PKD2: variants seen among roughly 807,000 people sequenced by gnomAD.
PKD2 encodes polycystin-2.
A neutral mutation model predicts 105.9 loss-of-function variants in PKD2; 48 were observed. That is an observed-to-expected ratio of 0.45 (90% CI 0.36 to 0.58). The LOEUF (loss-of-function observed/expected upper bound fraction) is 0.58, where lower values mean the gene tolerates loss of function less well. PKD2 is among the 20% of genes least tolerant of loss of function. PKD2 has a pLI of 0.00. For missense variants in PKD2, 1,078 were observed against 1,255.3 expected (o/e 0.86, Z 2.13); for synonymous variants, 464 against 481.1 (o/e 0.96, Z 0.46).
In PKD2 at chr4:88,036,288, A is replaced by G. The variant is rs1394985520; in HGVS notation, c.778A>G (p.Thr260Ala). The change falls in exon 3 of 15, where the codon ACC (threonine) becomes GCC (alanine). Residue 260 changes from threonine (T) to alanine (A), a missense_variant. Coordinates refer to ENST00000237596, the MANE Select transcript of PKD2 (RefSeq NM_000297.4). ...GATGATGTCACAGCTCTTCCTAGAC[A>G]CCCCCGTGTCCAAAACGGAGAAAAC... ...TRMMSQLFLD[T>A]PVSKTEKTNF... 1 of 1,613,746 alleles carries G rather than the reference A, an allele frequency of 6.2e-7. No individual in the cohort carries two copies. The highest frequency in any genetic ancestry group is 1.3e-5 in the African/African-American group (1 of 74,850).
intron 1 of PKD2, among the ~76,000 whole-genome samples, chr4:88,015,435 C>T (rs558476944): frequency 3.4e-4 from 52 of 152,298 alleles, no homozygotes; most frequent in African/African-American, 1.1e-3. Context: ...TTTATTTAGA[C>T]GGAGTTTCAC....
intron 3 of PKD2, 30 bp from the exon 4 acceptor site, chr4:88,038,221 C>G (rs993960175): frequency 1.2e-6 from 2 of 1,613,542 alleles, no homozygotes; most frequent in Non-Finnish European, 1.7e-6. Flanking sequence ...GAGCTTGGAA[C>G]TTTTTCAGAG....
At chr4:88,021,251 A>G (rs1162992265) in intron 2 of PKD2, among the ~76,000 whole-genome samples, 2 of 152,210 alleles carry the variant, frequency 1.3e-5, no homozygotes, top group East Asian at 1.9e-4. Context: ...TTTAAAATAC[A>G]TATGTGGTTT....
intron 2 of PKD2, among the ~76,000 whole-genome samples, chr4:88,032,444 G>T (rs540477028): frequency 1.3e-5 from 2 of 152,138 alleles, no homozygotes; most frequent in Non-Finnish European, 2.9e-5. Context: ...TGGGCAGATC[G>T]TTTGAGCCCA....
At chr4:88,074,650 G>A (rs911348107) in intron 13 of PKD2, among the ~76,000 whole-genome samples, 162 bp from the exon 14 acceptor site, 4 of 152,080 alleles carry the variant, frequency 2.6e-5, no homozygotes, top group African/African-American at 2.4e-5. Flanking sequence ...TCCTACCAGC[G>A]GCATCCGAGA....
At chr4:88,072,410 C>T (rs1157949218) in intron 13 of PKD2, among the ~76,000 whole-genome samples, 3 of 152,182 alleles carry the variant, frequency 2.0e-5, no homozygotes, top group African/African-American at 7.2e-5. Context: ...CCACAATCTC[C>T]ATTGTTTTCA....
intron 2 of PKD2, 147 bp from the exon 3 acceptor site, chr4:88,036,073 G>C: frequency 8.7e-7 from 1 of 1,154,682 alleles, no homozygotes; most frequent in Non-Finnish European, 1.3e-6. Flanking sequence ...AGAATGATAG[G>C]GGAAAGGAAG....
chr4:88,071,368 A>G (rs1292638751), intron 13 of PKD2, among the ~76,000 whole-genome samples: 1 of 151,904 alleles, frequency 6.6e-6, no homozygotes, highest in Admixed American at 6.6e-5. Flanking sequence ...TTCTTTAACC[A>G]TGGTGGGGTT....
intron 2 of PKD2, among the ~76,000 whole-genome samples, chr4:88,029,541 C>G (rs1418333616): frequency 6.6e-6 from 1 of 152,182 alleles, no homozygotes; most frequent in Non-Finnish European, 1.5e-5. Context: ...GCTTTCCCTT[C>G]CCAGTCTTCT....
intron 6 of PKD2, among the ~76,000 whole-genome samples, chr4:88,051,312 C>A (rs1187189812): frequency 3.3e-5 from 5 of 152,176 alleles, no homozygotes; most frequent in Non-Finnish European, 5.9e-5. Flanking sequence ...CATGGGCACT[C>A]ATTTTTAGGA....
chr4:88,062,066 C>T (rs1720596656), intron 10 of PKD2, 62 bp downstream of exon 10: 2 of 845,272 alleles, frequency 2.4e-6, no homozygotes, highest in South Asian at 2.7e-5. Context: ...CATTGTTTCA[C>T]CCAGATTTTC....
chr4:88,017,040 G>A (rs1475150285), intron 1 of PKD2, among the ~76,000 whole-genome samples: 1 of 151,524 alleles, frequency 6.6e-6, no homozygotes, highest in Non-Finnish European at 1.5e-5. Flanking sequence ...ATATAAATAA[G>A]GGAGGCCAAG....
At position 88,020,942 on chromosome 4, in the gene PKD2, T is replaced by C. The variant is rs541421923; in HGVS notation, c.709+1371T>C. 9.2e-5 allele frequency among the ~76,000 whole-genome samples: 14 copies of C among 152,216 alleles called. No homozygotes were observed. The South Asian group carries it at 2.1e-3, about 23-fold the overall frequency. The stretch of plus-strand genomic sequence containing the variant: ...CCTAGCTTCAAGTGATCCTCCTGCC[T>C]TGGAAGTTCTGGGATTATAGGCATG... On this transcript the variant is annotated intron_variant, in intron 2 of 14. Coordinates refer to ENST00000237596, the MANE Select transcript of PKD2 (RefSeq NM_000297.4).
chr4:88,056,706 T>G (rs1329539404), intron 8 of PKD2, among the ~76,000 whole-genome samples: 5 of 151,432 alleles, frequency 3.3e-5, no homozygotes, highest in South Asian at 2.1e-4. Flanking sequence ...GAATTTTCAG[T>G]TTTTTTTTCC....
chr4:88,057,528 C>G (rs780694230), intron 8 of PKD2, among the ~76,000 whole-genome samples: 2 of 151,282 alleles, frequency 1.3e-5, no homozygotes, highest in Non-Finnish European at 2.9e-5. Flanking sequence ...CTCTGCCTCC[C>G]GGGTTCAAGC....
At chr4:88,012,844 C>G (rs536172650) in intron 1 of PKD2, among the ~76,000 whole-genome samples, 11 of 152,230 alleles carry the variant, frequency 7.2e-5, no homozygotes, top group Admixed American at 6.5e-4. Flanking sequence ...TCTTTTGTGT[C>G]TGGCTTATTC....
chr4:88,029,905 A>G (rs940962838), intron 2 of PKD2, among the ~76,000 whole-genome samples: 1 of 152,228 alleles, frequency 6.6e-6, no homozygotes, highest in Non-Finnish European at 1.5e-5. Context: ...AGAGCAGATC[A>G]TCAAATGAAG....
At chr4:88,011,897 G>T (rs1043498345) in intron 1 of PKD2, among the ~76,000 whole-genome samples, 4 of 48,066 alleles carry the variant, frequency 8.3e-5, no homozygotes, top group Non-Finnish European at 1.8e-4. Context: ...TTTCAATGGG[G>T]GGGGGGGGGA....
At chr4:88,023,484 G>C (rs1334514530) in intron 2 of PKD2, among the ~76,000 whole-genome samples, 3 of 152,202 alleles carry the variant, frequency 2.0e-5, no homozygotes. Flanking sequence ...ATGAGATTTG[G>C]ATGGGGACAA....
Sources: allele counts gnomAD v4.1 joint callset (sites outside exome capture counted in the v4.1 genomes callset), GRCh38; gene constraint gnomAD v4.1.1; transcripts MANE v1.5; gene names NCBI Gene and HGNC (gene_info 2026-07-23, HGNC 2026-07-21).